Variants in SOCS5 observed in about 807,000 individuals in gnomAD.
SOCS5 encodes suppressor of cytokine signaling 5, also known as CIS-6.
A neutral mutation model predicts 42.8 loss-of-function variants in SOCS5; 32 were observed. The observed-to-expected ratio is 0.75, with a 90% confidence interval of 0.56 to 1.01. The LOEUF is 1.01. Among genes scored for constraint, SOCS5 ranks in the 50% least tolerant of loss-of-function variants. The pLI is 0.00. For synonymous variants in SOCS5, 283 were observed against 229.6 expected, an observed-to-expected ratio of 1.23 and a Z score of -2.10; for missense variants, 627 against 653.0, an observed-to-expected ratio of 0.96 and a Z score of 0.43.
chr2:46,712,071 C>T (rs1672634373), intron 1 of SOCS5, among the ~76,000 whole-genome samples: 1 of 152,050 alleles, frequency 6.6e-6, no homozygotes, highest in Non-Finnish European at 1.5e-5. Flanking sequence ...TACATTTGCA[C>T]ATAAATTTTG....
At chr2:46,743,435 C>G (rs1673423319) in intron 1 of SOCS5, among the ~76,000 whole-genome samples, 1 of 152,160 alleles carries the variant, frequency 6.6e-6, no homozygotes, top group African/African-American at 2.4e-5. Context: ...CCTGACATTG[C>G]CATGGCATTT....
At chr2:46,752,227 G>T (rs1673638446) in intron 1 of SOCS5, among the ~76,000 whole-genome samples, 1 of 151,818 alleles carries the variant, frequency 6.6e-6, no homozygotes, top group African/African-American at 2.4e-5. Context: ...CTAGTCAGCG[G>T]CAGCATTAGA....
chr2:46,703,349 T>G (rs1239477952), intron 1 of SOCS5, among the ~76,000 whole-genome samples: 1 of 144,016 alleles, frequency 6.9e-6, no homozygotes, highest in African/African-American at 2.6e-5. Context: ...TCACAAGTTT[T>G]CACAGTTTTT....
At chr2:46,733,022 A>C (rs1371519263) in intron 1 of SOCS5, among the ~76,000 whole-genome samples, 1 of 151,894 alleles carries the variant, frequency 6.6e-6, no homozygotes, top group African/African-American at 2.4e-5. Context: ...ATGTGTATCC[A>C]CTGGCAAATA....
chr2:46,756,354 G>A (rs1486714065), intron 1 of SOCS5, among the ~76,000 whole-genome samples: 1 of 152,082 alleles, frequency 6.6e-6, no homozygotes, highest in Non-Finnish European at 1.5e-5. Flanking sequence ...TTCTGAAAGG[G>A]GCTAGATAGA....
intron 1 of SOCS5, among the ~76,000 whole-genome samples, chr2:46,725,374 C>T (rs908450550): frequency 2.6e-5 from 4 of 151,930 alleles, no homozygotes; most frequent in Admixed American, 6.6e-5. Flanking sequence ...ATTACTGATA[C>T]GTTTAGATTT....
intron 1 of SOCS5, among the ~76,000 whole-genome samples, chr2:46,730,976 A>G (rs971566834): frequency 2.6e-5 from 4 of 152,194 alleles, no homozygotes; most frequent in African/African-American, 9.7e-5. Flanking sequence ...AGGTGTTACT[A>G]ATTCTCCATT....
chr2:46,744,650 C>G (rs184231994), intron 1 of SOCS5, among the ~76,000 whole-genome samples: 1 of 151,888 alleles, frequency 6.6e-6, no homozygotes, highest in East Asian at 1.9e-4. Context: ...GCCTCAGCCT[C>G]CTGAGTAGCT....
chr2:46,700,658 TTTC>T (rs1321823368), intron 1 of SOCS5, among the ~76,000 whole-genome samples: 9 of 152,180 alleles, frequency 5.9e-5, no homozygotes, highest in African/African-American at 2.2e-4. Context: ...TCAGGTTGAG[TTTC>T]TTAACAATTG....
intron 1 of SOCS5, among the ~76,000 whole-genome samples, chr2:46,712,867 G>A (rs1479409273): frequency 6.6e-6 from 1 of 151,772 alleles, no homozygotes; most frequent in African/African-American, 2.4e-5. Flanking sequence ...TTGGTCTATA[G>A]TTTTTTGTTT....
Position 46,759,399 on chromosome 2 carries a change from C to T in SOCS5, c.869C>T (p.Thr290Ile). ...GCACAAATACATACATTTGAAGCTA[C>T]TGCACAGGTTAATCCATTATATAAA... is the stretch of plus-strand genomic sequence containing the variant. ...PNAQIHTFEA[T>I]AQVNPLYKLG... Residue 290 changes from threonine (T) to isoleucine (I), a missense_variant, in exon 2 of 2, where the codon ACT (threonine) becomes ATT (isoleucine). Coordinates refer to ENST00000394861, the MANE Select transcript of SOCS5 (RefSeq NM_144949.3). 19 of 1,613,958 alleles carry T rather than the reference C, an allele frequency of 1.2e-5. No individual in the cohort carries two copies. Among genetic ancestry groups the T allele is most frequent in the Non-Finnish European group, 1.5e-5 (18 of 1,179,858 alleles).
At chr2:46,703,342 C>A (rs1672386898) in intron 1 of SOCS5, among the ~76,000 whole-genome samples, 1 of 147,138 alleles carries the variant, frequency 6.8e-6, no homozygotes, top group Non-Finnish European at 1.5e-5. Context: ...GTAGCCATCA[C>A]AAGTTTTCAC....
intron 1 of SOCS5, among the ~76,000 whole-genome samples, chr2:46,710,724 A>T (rs1357314249): frequency 6.6e-6 from 1 of 152,218 alleles, no homozygotes; most frequent in Non-Finnish European, 1.5e-5. Flanking sequence ...CTAAATAGGG[A>T]TATACCAGGT....
intron 1 of SOCS5, among the ~76,000 whole-genome samples, chr2:46,719,951 G>A (rs574277605): frequency 1.1e-4 from 16 of 152,196 alleles, no homozygotes; most frequent in African/African-American, 3.9e-4. Context: ...GAAAGCAAAG[G>A]TAATTTAAAA....
chr2:46,758,735 T>A lies in SOCS5; in HGVS notation c.205T>A (p.Leu69Ile), dbSNP rs1218974490. The change falls in exon 2 of 2, where the codon TTA becomes ATA. Residue 69 changes from leucine to isoleucine, a missense_variant. Coordinates refer to ENST00000394861, the MANE Select transcript of SOCS5 (RefSeq NM_144949.3). ...LRENIALQLG[L>I]SPSKNSSRRN... ...AGAAAATATTGCCTTACAACTGGGA[T>A]TAAGCCCTTCGAAGAATTCTTCAAG... 3 of 1,613,988 alleles carry A rather than the reference T, an allele frequency of 1.9e-6. No individual in the cohort carries two copies. Among genetic ancestry groups the A allele is most frequent in the Non-Finnish European group, 1.7e-6 (2 of 1,179,990 alleles).
At chr2:46,739,385 A>G (rs1357913095) in intron 1 of SOCS5, among the ~76,000 whole-genome samples, 1 of 152,204 alleles carries the variant, frequency 6.6e-6, no homozygotes, top group East Asian at 1.9e-4. Context: ...TGTTAGTAGC[A>G]CTTTGCGAGT....
intron 1 of SOCS5, among the ~76,000 whole-genome samples, chr2:46,721,090 T>G (rs1385512695): frequency 6.6e-6 from 1 of 152,196 alleles, no homozygotes; most frequent in Non-Finnish European, 1.5e-5. Context: ...CAGTTGAGAC[T>G]TATCTAAGAG....
chr2:46,740,434 C>A (rs1391058452), intron 1 of SOCS5, among the ~76,000 whole-genome samples: 1 of 152,090 alleles, frequency 6.6e-6, no homozygotes, highest in Non-Finnish European at 1.5e-5. Context: ...AGGTGGAGTA[C>A]TGGTTACTGT....
At chr2:46,715,750 A>G (rs1672724375) in intron 1 of SOCS5, among the ~76,000 whole-genome samples, 2 of 152,288 alleles carry the variant, frequency 1.3e-5, no homozygotes, top group Middle Eastern at 6.8e-3. Flanking sequence ...TCACTGATTG[A>G]CAGCAACTTT....
Sources: allele counts gnomAD v4.1 joint callset (sites outside exome capture counted in the v4.1 genomes callset), GRCh38; gene constraint gnomAD v4.1.1; transcripts MANE v1.5; gene names NCBI Gene and HGNC (gene_info 2026-07-23, HGNC 2026-07-21).